DPYSL3: variants seen among roughly 807,000 people sequenced by gnomAD.
DPYSL3 encodes the protein dihydropyrimidinase-related protein 3.
A neutral mutation model predicts 66.1 loss-of-function variants in DPYSL3; 16 were observed. The ratio of observed to expected loss-of-function variants is 0.24; its 90% CI spans 0.16 to 0.37. DPYSL3 has a LOEUF of 0.37. Ranked by LOEUF, DPYSL3 falls within the 10% of genes least tolerant of loss-of-function variation. The pLI is 1.00. For missense variants in DPYSL3, 738 were observed against 916.2 expected (o/e 0.81, Z 2.51); for synonymous variants, 338 against 345.1 (o/e 0.98, Z 0.23).
chr5:147,484,597 C>A (rs1222145960), intron 1 of DPYSL3, among the ~76,000 whole-genome samples: 1 of 149,352 alleles, frequency 6.7e-6, no homozygotes, highest in Non-Finnish European at 1.5e-5. Flanking sequence ...TTCTCAAATT[C>A]TTTGTGCAAG....
At chr5:147,474,444 C>T (rs751365221) in intron 1 of DPYSL3, among the ~76,000 whole-genome samples, 1 of 152,046 alleles carries the variant, frequency 6.6e-6, no homozygotes, top group African/African-American at 2.4e-5. Context: ...AAGGGAAGTA[C>T]TTTTACCATT....
At chr5:147,425,205 T>C (rs1752173040) in intron 1 of DPYSL3, among the ~76,000 whole-genome samples, 1 of 152,246 alleles carries the variant, frequency 6.6e-6, no homozygotes, top group Non-Finnish European at 1.5e-5. Flanking sequence ...AATGTATTAA[T>C]ATTATAGCCA....
intron 8 of DPYSL3, among the ~76,000 whole-genome samples, chr5:147,402,325 T>C (rs1758206202): frequency 6.6e-6 from 1 of 151,444 alleles, no homozygotes; most frequent in Non-Finnish European, 1.5e-5. Context: ...TTCCTGTGGA[T>C]TAGAGACTCT....
chr5:147,483,751 G>A (rs982889304), intron 1 of DPYSL3, among the ~76,000 whole-genome samples: 10 of 152,098 alleles, frequency 6.6e-5, no homozygotes, highest in South Asian at 6.2e-4. Context: ...GACCTCACCC[G>A]GAGAAAGGTC....
At chr5:147,505,481 C>A (rs1017005867) in intron 1 of DPYSL3, among the ~76,000 whole-genome samples, 20 of 152,148 alleles carry the variant, frequency 1.3e-4, no homozygotes, top group Non-Finnish European at 2.5e-4. Flanking sequence ...AGTGATCTGC[C>A]CAGCTTGGCT....
intron 1 of DPYSL3, among the ~76,000 whole-genome samples, chr5:147,437,084 G>A (rs375818526): frequency 2.6e-5 from 4 of 152,170 alleles, no homozygotes; most frequent in Non-Finnish European, 5.9e-5. Context: ...TGGGAGTCGG[G>A]AGCCAAGGAT....
intron 1 of DPYSL3, among the ~76,000 whole-genome samples, chr5:147,438,052 C>A (rs1473134450): frequency 1.3e-5 from 2 of 152,172 alleles, no homozygotes; most frequent in African/African-American, 4.8e-5. Flanking sequence ...CCCAAACACA[C>A]CTTCTATAAA....
In DPYSL3 at chr5:147,418,475, C is replaced by T. The variant is rs201521252; in HGVS notation, c.627G>A (p.Ala209=). ...TCATGGTGGTGCCACCTGCTAAGGC[C>T]GCCTTTGTCCCTTGGAAGAAGTCAT... ...TVDDFFQGTK[A]ALAGGTTMII... is the part of the protein sequence containing the mutation. The change falls in exon 3 of 14, where the codon GCG becomes GCA. Residue 209 remains alanine, a synonymous_variant. Coordinates refer to ENST00000343218, the MANE Select transcript of DPYSL3 (RefSeq NM_001197294.2). 2,800 of 1,610,258 alleles carry T rather than the reference C, an allele frequency of 1.7e-3. 4 individuals are homozygous for T. Among genetic ancestry groups the T allele is most frequent in the Non-Finnish European group, 2.2e-3 (2,536 of 1,178,096 alleles).
chr5:147,452,444 C>T (rs911956394), intron 1 of DPYSL3, among the ~76,000 whole-genome samples: 19 of 151,476 alleles, frequency 1.3e-4, no homozygotes, highest in Non-Finnish European at 2.5e-4. Context: ...CCACTACACA[C>T]ACACACACAC....
chr5:147,396,486 G>A (rs1336238221), intron 12 of DPYSL3, among the ~76,000 whole-genome samples: 1 of 152,232 alleles, frequency 6.6e-6, no homozygotes, highest in African/African-American at 2.4e-5. Context: ...GGCCAGAGGG[G>A]AGGCAATGAG....
chr5:147,418,393 T>G, intron 3 of DPYSL3, 54 bp downstream of exon 3: 1 of 1,497,856 alleles, frequency 6.7e-7, no homozygotes, highest in South Asian at 1.4e-5. Context: ...AGATAACACA[T>G]TCATTAAACA....
At chr5:147,503,758 G>T (rs968031927) in intron 1 of DPYSL3, among the ~76,000 whole-genome samples, 3 of 152,268 alleles carry the variant, frequency 2.0e-5, no homozygotes, top group Middle Eastern at 3.4e-3. Context: ...GGGACCATTT[G>T]GTCTAGCCCA....
chr5:147,417,843 G>A (rs1470318851), intron 3 of DPYSL3, among the ~76,000 whole-genome samples: 5 of 152,166 alleles, frequency 3.3e-5, no homozygotes, highest in Non-Finnish European at 7.3e-5. Context: ...CAGACCATAA[G>A]CACTAAATGC....
rs1024066594 is a variant in DPYSL3, at chr5:147,509,634, C to T, written c.225G>A (p.Ser75=). The T allele has an allele frequency of 7.8e-6, 12 of 1,535,628 alleles. No individual in the cohort carries two copies. Among genetic ancestry groups the T allele is most frequent in the Admixed American group, 2.0e-5 (1 of 50,972 alleles). The change falls in exon 1 of 14, where the codon TCG becomes TCA. Residue 75 remains serine (S), a synonymous_variant. Coordinates refer to ENST00000343218, the MANE Select transcript of DPYSL3 (RefSeq NM_001197294.2). This position sits in a 1 kb window ranked among gnomAD's most constrained non-coding sequence, Gnocchi z 5.3. ...CCCCCTCGATCCCGGGCCGACTCCCCGATCCTCGGTCGCTGCCCTGGCCGC... is the reference window on the plus strand; with the variant it reads ...CCCCCTCGATCCCGGGCCGACTCCCTGATCCTCGGTCGCTGCCCTGGCCGC... The part of the protein sequence containing the change: ...PRSGQGSDRG[S]GSRPGIEGDT...
At chr5:147,418,369 T>C in intron 3 of DPYSL3, 78 bp downstream of exon 3, 18 of 1,402,066 alleles carry the variant, frequency 1.3e-5, no homozygotes, top group Non-Finnish European at 1.7e-5. Context: ...CAAGTTATAG[T>C]AAGAGAGTTC....
rs1403686322 is a variant in DPYSL3 at position 147,392,622 on chromosome 5, C to T, written c.*1413G>A. Reference sequence around the variant, plus strand: ...AGGACTTGCTCCAAAACTGAATTTTCAGAAGCAGCATGATAGGGAAAGAGA... The same window carrying T: ...AGGACTTGCTCCAAAACTGAATTTTTAGAAGCAGCATGATAGGGAAAGAGA... On this transcript the variant is annotated 3_prime_UTR_variant, in exon 14 of 14. Transcript: ENST00000343218. The T allele has an allele frequency of 6.6e-6, 1 of 152,240 alleles. No individual in the cohort carries two copies. Among genetic ancestry groups the T allele is most frequent in the Admixed American group, 6.5e-5 (1 of 15,288 alleles). The allele number at this position is 152,240 out of a possible 1,614,324, so 9.4% of individuals were successfully genotyped here.
At chr5:147,440,144 T>C (rs1752505709) in intron 1 of DPYSL3, among the ~76,000 whole-genome samples, 1 of 151,894 alleles carries the variant, frequency 6.6e-6, no homozygotes, top group Admixed American at 6.6e-5. Flanking sequence ...CTACTAAAAA[T>C]ACAAAAAAAT....
intron 1 of DPYSL3, among the ~76,000 whole-genome samples, chr5:147,490,370 G>C (rs115995650): frequency 0.015 from 2,220 of 152,224 alleles, 53 homozygotes; most frequent in African/African-American, 0.051. Flanking sequence ...CAAAAGAAGA[G>C]AAGGTACATA....
At chr5:147,489,283 T>G (rs149098773) in intron 1 of DPYSL3, among the ~76,000 whole-genome samples, 1,644 of 152,266 alleles carry the variant, frequency 0.011, 16 homozygotes, top group Non-Finnish European at 0.019. Flanking sequence ...TATTTTGGAC[T>G]CCTCTTAGTA....
Sources: allele counts gnomAD v4.1 joint callset (sites outside exome capture counted in the v4.1 genomes callset), GRCh38; gene constraint gnomAD v4.1.1; non-coding constraint Gnocchi (gnomAD v3.1); transcripts MANE v1.5; gene names NCBI Gene and HGNC (gene_info 2026-07-23, HGNC 2026-07-21).